Variants in GRIP1 observed in about 807,000 individuals in gnomAD.
GRIP1 encodes the protein glutamate receptor-interacting protein 1.
GRIP1 carries 45 observed loss-of-function variants against 129.9 expected under a neutral mutation model. That is an observed-to-expected ratio of 0.35 (90% CI 0.27 to 0.44). The LOEUF (loss-of-function observed/expected upper bound fraction) is 0.44, where lower values mean the gene tolerates loss of function less well. Among genes scored for constraint, GRIP1 ranks in the 20% least tolerant of loss-of-function variants. The pLI is 1.00. For missense variants in GRIP1, 1,196 were observed against 1,396.8 expected, an observed-to-expected ratio of 0.86 and a Z score of 2.29; for synonymous variants, 530 against 520.8, an observed-to-expected ratio of 1.02 and a Z score of -0.24.
chr12:66,760,480 C>T (rs112765852), intron 1 of GRIP1, among the ~76,000 whole-genome samples: 1,991 of 152,160 alleles, frequency 0.013, 51 homozygotes, highest in African/African-American at 0.046. Context: ...TCTTACGTGG[C>T]GGTGGCAAGA....
chr12:66,456,336 A>T lies in GRIP1; in HGVS notation c.1049T>A (p.Ile350Asn). Residue 350 changes from isoleucine (I) to asparagine (N), a missense_variant, in exon 10 of 25, where the codon ATT becomes AAT. By Grantham distance (149) the Ile-to-Asn change is moderately radical. Coordinates refer to ENST00000359742, the MANE Select transcript of GRIP1 (RefSeq NM_001366722.1). ...GGTAAGTTGCCTGTCGCTCCTCTGA[A>T]TTTTCACTGCCCATATGAAGTGATG... ...LALKGPDHVK[I>N]QRSDRQLTWD... is the part of the protein sequence containing the mutation. 7.8e-7 allele frequency: 1 copy of T among 1,287,860 alleles called. No homozygotes were observed. The highest frequency in any genetic ancestry group is 1.0e-6 in the Non-Finnish European group (1 of 987,026). The allele number at this position is 1,287,860 out of a possible 1,614,324, so 79.8% of individuals were successfully genotyped here. A position where few individuals can be genotyped will look rare whatever the true frequency, so the allele number is the denominator to read the frequency against.
chr12:66,439,659 A>T (rs916764038), intron 13 of GRIP1, among the ~76,000 whole-genome samples: 1 of 152,188 alleles, frequency 6.6e-6, no homozygotes, highest in African/African-American at 2.4e-5. Flanking sequence ...TGTTATAAGA[A>T]TTAAACAATT....
At chr12:66,913,159 C>T (rs903800273) in intron 1 of GRIP1, among the ~76,000 whole-genome samples, 2 of 152,172 alleles carry the variant, frequency 1.3e-5, no homozygotes, top group African/African-American at 4.8e-5. Context: ...GTGCTTGAAA[C>T]TCCAAAATAC....
At chr12:66,476,114 A>T (rs1592391509) in intron 7 of GRIP1, among the ~76,000 whole-genome samples, 2 of 152,198 alleles carry the variant, frequency 1.3e-5, no homozygotes, top group Admixed American at 6.5e-5. Context: ...AAACTGATAG[A>T]CTGCTAGCAA....
Position 66,392,425 on chromosome 12 carries a change from A to T in GRIP1, c.2347T>A (p.Ser783Thr). 6.2e-7 allele frequency: 1 copy of T among 1,614,050 alleles called. No homozygotes were observed. Among genetic ancestry groups the T allele is most frequent in the Non-Finnish European group, 8.5e-7 (1 of 1,179,902 alleles). The part of the protein sequence containing the change: ...SDLGDVEEDS[S>T]PAQKPGKLSD... ...AGCTTGCCTGGCTTCTGTGCTGGTG[A>T]GGAGTCCTCCTCCACATCCCCCAGG... Residue 783 changes from serine (S) to threonine (T), a missense_variant, in exon 19 of 25, where the codon TCA becomes ACA. Ser to Thr is a moderately conservative substitution (Grantham distance 58, BLOSUM62 1). Coordinates refer to ENST00000359742, the MANE Select transcript of GRIP1 (RefSeq NM_001366722.1).
chr12:66,989,277 A>T (rs2042359260), intron 1 of GRIP1, among the ~76,000 whole-genome samples: 2 of 152,212 alleles, frequency 1.3e-5, no homozygotes. Flanking sequence ...TATTCACTGG[A>T]CACCTTCTTC....
At chr12:66,633,263 TA>T (rs887445619) in intron 1 of GRIP1, among the ~76,000 whole-genome samples, 5 of 146,186 alleles carry the variant, frequency 3.4e-5, no homozygotes, top group East Asian at 1.9e-4. Flanking sequence ...ATAATATATA[TA>T]AAAATATATT....
chr12:66,961,402 A>C (rs945127961), intron 1 of GRIP1, among the ~76,000 whole-genome samples: 2 of 152,208 alleles, frequency 1.3e-5, no homozygotes, highest in African/African-American at 4.8e-5. Context: ...CCCCACCTAC[A>C]AATATGTTTC....
At chr12:66,581,935 A>T (rs956018418) in intron 2 of GRIP1, among the ~76,000 whole-genome samples, 10 of 152,102 alleles carry the variant, frequency 6.6e-5, no homozygotes, top group Non-Finnish European at 8.8e-5. Context: ...TACCAAAGCC[A>T]GGCAGAGACA....
intron 1 of GRIP1, among the ~76,000 whole-genome samples, chr12:66,942,418 C>G (rs541356307): frequency 6.6e-6 from 1 of 152,278 alleles, no homozygotes; most frequent in Non-Finnish European, 1.5e-5. Context: ...CTTCTTCCCA[C>G]TTTCTTTGAT....
chr12:66,603,347 T>C (rs2064366628), intron 1 of GRIP1, among the ~76,000 whole-genome samples: 2 of 152,204 alleles, frequency 1.3e-5, no homozygotes, highest in South Asian at 4.1e-4. Flanking sequence ...TCACATTGTT[T>C]TAGGCCTGTG....
At chr12:66,730,948 T>C (rs1290699192) in intron 1 of GRIP1, among the ~76,000 whole-genome samples, 1 of 152,204 alleles carries the variant, frequency 6.6e-6, no homozygotes, top group Non-Finnish European at 1.5e-5. Flanking sequence ...GAAAAGACAC[T>C]AAGCAAGTGT....
chr12:66,783,211 T>A (rs1034478968), intron 1 of GRIP1, among the ~76,000 whole-genome samples: 2 of 152,146 alleles, frequency 1.3e-5, no homozygotes, highest in Non-Finnish European at 2.9e-5. Context: ...TTGTACTGTT[T>A]TAGTAGAGAC....
chr12:66,902,007 T>G (rs2040851709), intron 1 of GRIP1, among the ~76,000 whole-genome samples: 1 of 152,238 alleles, frequency 6.6e-6, no homozygotes. Flanking sequence ...ACATGAGCTT[T>G]GCAGTCAGAA....
intron 1 of GRIP1, among the ~76,000 whole-genome samples, chr12:67,053,994 G>GA (rs1438447031): frequency 2.0e-5 from 3 of 152,190 alleles, no homozygotes; most frequent in African/African-American, 7.2e-5. Context: ...TTCCAGTGGT[G>GA]AAAGAGAAAT....
At chr12:67,025,206 T>C (rs7967114) in intron 1 of GRIP1, among the ~76,000 whole-genome samples, 27,137 of 152,128 alleles carry the variant, frequency 0.18, 2,967 homozygotes, top group African/African-American at 0.3. Flanking sequence ...CCAGCTGTGG[T>C]GGCAGGTGCC....
intron 2 of GRIP1, among the ~76,000 whole-genome samples, chr12:66,548,917 C>A (rs1276863695): frequency 9.2e-5 from 14 of 152,140 alleles, no homozygotes; most frequent in Admixed American, 9.2e-4. Context: ...AAGATCTTCA[C>A]CACATGGCTG....
chr12:66,888,146 C>G (rs2040596685), intron 1 of GRIP1, among the ~76,000 whole-genome samples: 2 of 152,220 alleles, frequency 1.3e-5, no homozygotes, highest in South Asian at 2.1e-4. Flanking sequence ...CAACCTCGAC[C>G]TGGGGCTCAA....
At chr12:67,065,784 T>C (rs1406953694) in intron 1 of GRIP1, among the ~76,000 whole-genome samples, 1 of 152,234 alleles carries the variant, frequency 6.6e-6, no homozygotes, top group African/African-American at 2.4e-5. Flanking sequence ...TATCTCTTTA[T>C]ACTAAGAATT....
Sources: gnomAD v4.1 joint callset for allele counts (sites outside exome capture counted in the v4.1 genomes callset) on GRCh38, gnomAD v4.1.1 for gene constraint, MANE v1.5 for transcripts, NCBI Gene and HGNC (gene_info 2026-07-23, HGNC 2026-07-21) for gene names.